Variants in PDS5B observed in about 807,000 individuals in gnomAD.
PDS5B encodes sister chromatid cohesion protein PDS5 homolog B.
In PDS5B, 51 loss-of-function variants were observed where a neutral mutation model predicts 184.1. That is an observed-to-expected ratio of 0.28 (90% CI 0.22 to 0.35). PDS5B has a LOEUF of 0.35. Ranked by LOEUF, PDS5B falls within the 10% of genes least tolerant of loss-of-function variation. The probability of loss-of-function intolerance (pLI) is 1.00; values close to 1 mark genes in which losing one functional copy is unlikely to be tolerated. For missense variants in PDS5B, 1,180 were observed against 1,723.3 expected (o/e 0.68, Z 5.58); for synonymous variants, 566 against 569.2 (o/e 0.99, Z 0.08).
chr13:32,717,657 C>G (rs1461558121), intron 19 of PDS5B, among the ~76,000 whole-genome samples: 2 of 140,514 alleles, frequency 1.4e-5, no homozygotes, highest in East Asian at 4.0e-4. Flanking sequence ...GCCAAATCCC[C>G]CTCTGCGAGA....
intron 1 of PDS5B, among the ~76,000 whole-genome samples, chr13:32,591,405 C>T (rs548251738): frequency 1.0e-3 from 157 of 152,284 alleles, no homozygotes; most frequent in African/African-American, 3.7e-3. Context: ...GCATGAGCCA[C>T]CACGTCCGGC....
intron 1 of PDS5B, among the ~76,000 whole-genome samples, chr13:32,586,998 C>A (rs1416200774): frequency 7.1e-6 from 1 of 140,504 alleles, no homozygotes; most frequent in African/African-American, 2.7e-5. Flanking sequence ...CTCCCGCCGC[C>A]GCCGTCGCCG....
chr13:32,721,153 T>TG (rs1952666828), intron 19 of PDS5B, among the ~76,000 whole-genome samples: 1 of 152,382 alleles, frequency 6.6e-6, no homozygotes, highest in African/African-American at 2.4e-5. Context: ...AATGAGCTGT[T>TG]GGGTACACCT....
At chr13:32,591,298 T>C (rs1488335890) in intron 1 of PDS5B, among the ~76,000 whole-genome samples, 1 of 151,958 alleles carries the variant, frequency 6.6e-6, no homozygotes, top group Non-Finnish European at 1.5e-5. Flanking sequence ...CCAGATAATT[T>C]TTGTATTTTT....
At chr13:32,660,224 AGGG>A (rs1555297295) in intron 6 of PDS5B, among the ~76,000 whole-genome samples, 1 of 152,116 alleles carries the variant, frequency 6.6e-6, no homozygotes, top group Non-Finnish European at 1.5e-5. Flanking sequence ...ACAGGAGAGA[AGGG>A]GGAAGCTGGC....
chr13:32,762,429 G>T (rs987903071), intron 30 of PDS5B, among the ~76,000 whole-genome samples: 1 of 152,068 alleles, frequency 6.6e-6, no homozygotes, highest in Non-Finnish European at 1.5e-5. Flanking sequence ...AAAAGAAATT[G>T]CATTTATAGC....
At position 32,753,312 on chromosome 13, in the gene PDS5B, G is replaced by T. The variant is rs749499488; in HGVS notation, c.2737-20G>T. The T allele has an allele frequency of 1.4e-5, 23 of 1,590,528 alleles. No individual in the cohort carries two copies. Among genetic ancestry groups the T allele is most frequent in the Non-Finnish European group, 1.9e-5 (22 of 1,160,636 alleles). ...TTTGCTGCCATTTGAATAATATCTG[G>T]AATAATTGTGTCTTTACAGGATGAA... On this transcript the variant is annotated intron_variant, in intron 24 of 34. Coordinates refer to ENST00000315596, the MANE Select transcript of PDS5B (RefSeq NM_015032.4).
chr13:32,627,296 G>A (rs1447069105), intron 1 of PDS5B, among the ~76,000 whole-genome samples: 1 of 152,182 alleles, frequency 6.6e-6, no homozygotes, highest in Non-Finnish European at 1.5e-5. Context: ...CAGTAATTAA[G>A]CAGATGGATG....
At chr13:32,773,366 A>T (rs1042212067) in intron 34 of PDS5B, 42 bp downstream of exon 34, 3 of 1,544,058 alleles carry the variant, frequency 1.9e-6, no homozygotes, top group Non-Finnish European at 2.6e-6. Flanking sequence ...GGATATAAAA[A>T]GAGTTAGTAA....
chr13:32,743,394 C>A (rs1157624830), intron 23 of PDS5B, among the ~76,000 whole-genome samples: 2 of 151,910 alleles, frequency 1.3e-5, no homozygotes, highest in Non-Finnish European at 2.9e-5. Context: ...AGTTAGTATA[C>A]CTAAAGCATT....
intron 1 of PDS5B, among the ~76,000 whole-genome samples, chr13:32,603,192 T>TA (rs1317533571): frequency 1.3e-5 from 2 of 152,240 alleles, no homozygotes; most frequent in Admixed American, 6.5e-5. Context: ...TGAATGGTAT[T>TA]ACCTAGGTTT....
chr13:32,665,306 T>C (rs1950755304), intron 6 of PDS5B, among the ~76,000 whole-genome samples: 1 of 151,852 alleles, frequency 6.6e-6, no homozygotes, highest in Admixed American at 6.6e-5. Context: ...TAAACGTCTT[T>C]GGGGGCTGGG....
intron 1 of PDS5B, among the ~76,000 whole-genome samples, chr13:32,620,991 C>T (rs1359497347): frequency 6.6e-6 from 1 of 152,142 alleles, no homozygotes; most frequent in Non-Finnish European, 1.5e-5. Flanking sequence ...ATTTCAAGTG[C>T]TAATTGTGGT....
chr13:32,662,237 A>G (rs746618994), intron 6 of PDS5B, among the ~76,000 whole-genome samples: 9 of 152,160 alleles, frequency 5.9e-5, no homozygotes, highest in Non-Finnish European at 1.0e-4. Context: ...TATAATGAGA[A>G]AAGATTCAGT....
intron 19 of PDS5B, among the ~76,000 whole-genome samples, chr13:32,722,247 T>C (rs1420120329): frequency 6.6e-6 from 1 of 152,142 alleles, no homozygotes; most frequent in Non-Finnish European, 1.5e-5. Flanking sequence ...TCCCAGGCAC[T>C]GGGCAGGCTG....
At chr13:32,628,706 C>T (rs1001087726) in intron 1 of PDS5B, among the ~76,000 whole-genome samples, 8 of 152,036 alleles carry the variant, frequency 5.3e-5, no homozygotes, top group African/African-American at 1.9e-4. Context: ...CACGTGTGCA[C>T]ACACATACAC....
chr13:32,685,950 T>C (rs1338563394), intron 11 of PDS5B, among the ~76,000 whole-genome samples: 1 of 152,188 alleles, frequency 6.6e-6, no homozygotes, highest in African/African-American at 2.4e-5. Flanking sequence ...TGAAATCTTA[T>C]AAGACCTGTA....
intron 24 of PDS5B, among the ~76,000 whole-genome samples, chr13:32,747,451 CTT>C (rs1953793786): frequency 6.6e-6 from 1 of 152,014 alleles, no homozygotes; most frequent in African/African-American, 2.4e-5. Flanking sequence ...GTACTTCAGT[CTT>C]TTAAAAACAG....
At chr13:32,709,148 G>C (rs1952120833) in intron 18 of PDS5B, among the ~76,000 whole-genome samples, 1 of 151,750 alleles carries the variant, frequency 6.6e-6, no homozygotes, top group Admixed American at 6.6e-5. Context: ...ATTATACTTA[G>C]TATATTTTTC....
Sources: allele counts gnomAD v4.1 joint callset (sites outside exome capture counted in the v4.1 genomes callset), GRCh38; gene constraint gnomAD v4.1.1; transcripts MANE v1.5; gene names NCBI Gene and HGNC (gene_info 2026-07-23, HGNC 2026-07-21).